Variants in TAFA1 observed in about 807,000 individuals in gnomAD.
TAFA1 encodes the protein chemokine-like protein TAFA-1.
A neutral mutation model predicts 18.5 loss-of-function variants in TAFA1; 4 were observed. The ratio of observed to expected loss-of-function variants is 0.22; its 90% CI spans 0.11 to 0.49. TAFA1 has a LOEUF of 0.49. Among genes scored for constraint, TAFA1 ranks in the 20% least tolerant of loss-of-function variants. The probability of loss-of-function intolerance (pLI) is 0.98; values close to 1 mark genes in which losing one functional copy is unlikely to be tolerated. For missense variants in TAFA1, 147 were observed against 169.0 expected (o/e 0.87, Z 0.72); for synonymous variants, 56 against 55.2 (o/e 1.01, Z -0.06).
chr3:68,439,408 C>CATATATATATATAT (rs1341782542), intron 3 of TAFA1, among the ~76,000 whole-genome samples: 7 of 28,232 alleles, frequency 2.5e-4, no homozygotes, highest in East Asian at 1.2e-3. Context: ...AATATATATA[C>CATATATATATATAT]ATACATATAT....
At chr3:68,466,832 A>G (rs1371040431) in intron 3 of TAFA1, among the ~76,000 whole-genome samples, 2 of 152,176 alleles carry the variant, frequency 1.3e-5, no homozygotes, top group Non-Finnish European at 2.9e-5. Flanking sequence ...GGTCTGAGAA[A>G]TAAAGGGAAA....
chr3:68,529,381 C>A (rs1001604796), intron 3 of TAFA1, among the ~76,000 whole-genome samples: 1 of 147,990 alleles, frequency 6.8e-6, no homozygotes, highest in Non-Finnish European at 1.5e-5. Flanking sequence ...TCTTCCCCTA[C>A]CTACCCTTTA....
At chr3:68,474,064 T>G (rs2072048192) in intron 3 of TAFA1, among the ~76,000 whole-genome samples, 1 of 129,670 alleles carries the variant, frequency 7.7e-6, no homozygotes, top group South Asian at 2.8e-4. Context: ...CCCCCCCAAG[T>G]AAATAAAAAG....
At chr3:68,320,523 C>G (rs1342937048) in intron 2 of TAFA1, among the ~76,000 whole-genome samples, 5 of 152,152 alleles carry the variant, frequency 3.3e-5, no homozygotes, top group Non-Finnish European at 7.3e-5. Flanking sequence ...CCTATCTCCT[C>G]CTTGGTTCCC....
chr3:68,102,737 T>A (rs2106820434), intron 2 of TAFA1, among the ~76,000 whole-genome samples: 1 of 152,328 alleles, frequency 6.6e-6, no homozygotes, highest in East Asian at 1.9e-4. Context: ...TTATATAACC[T>A]CTTGGATTCT....
chr3:68,042,878 C>A (rs1705194639), intron 2 of TAFA1, among the ~76,000 whole-genome samples: 1 of 151,930 alleles, frequency 6.6e-6, no homozygotes, highest in Non-Finnish European at 1.5e-5. Context: ...TTGTGCCATT[C>A]TTTTGTTTTG....
chr3:68,193,146 A>G (rs763085568), intron 2 of TAFA1, among the ~76,000 whole-genome samples: 54 of 151,804 alleles, frequency 3.6e-4, no homozygotes, highest in Non-Finnish European at 6.5e-4. Flanking sequence ...AATAAAAAAT[A>G]AGCTCCAAAG....
chr3:68,268,260 T>C (rs56123133), intron 2 of TAFA1, among the ~76,000 whole-genome samples: 1 of 152,106 alleles, frequency 6.6e-6, no homozygotes, highest in Non-Finnish European at 1.5e-5. Flanking sequence ...TACTTCAGGA[T>C]ATAAGAAAAT....
intron 2 of TAFA1, among the ~76,000 whole-genome samples, chr3:68,171,126 A>G (rs13062033): frequency 0.19 from 29,147 of 152,130 alleles, 3,161 homozygotes; most frequent in Middle Eastern, 0.29. Context: ...AAATAGCAAT[A>G]TCATCTTGGA....
At chr3:68,400,292 C>G (rs2070462344) in intron 2 of TAFA1, among the ~76,000 whole-genome samples, 1 of 152,158 alleles carries the variant, frequency 6.6e-6, no homozygotes, top group South Asian at 2.1e-4. Context: ...TAATAGTCAT[C>G]ATTATTCACA....
Position 68,545,035 on chromosome 3 carries a change from G to C in TAFA1, c.*532G>C, listed in dbSNP as rs1032678095. Reference sequence around the variant, plus strand: ...AAGGCCAGCTACAGGTGGACTCCTGGAATTTGAGGCATCATAATGATACTG... The same window carrying C: ...AAGGCCAGCTACAGGTGGACTCCTGCAATTTGAGGCATCATAATGATACTG... On this transcript the variant is annotated 3_prime_UTR_variant, in exon 5 of 5. Coordinates refer to ENST00000478136, the MANE Select transcript of TAFA1 (RefSeq NM_213609.4). 4 of 152,448 alleles carry C rather than the reference G, an allele frequency of 2.6e-5. No individual in the cohort carries two copies. The highest frequency in any genetic ancestry group is 7.2e-5 in the African/African-American group (3 of 41,384). The allele number at this position is 152,448 out of a possible 1,614,324, so 9.4% of individuals were successfully genotyped here.
chr3:68,538,691 C>T (rs2073315645), intron 3 of TAFA1, 65 bp from the exon 4 acceptor site: 15 of 1,556,912 alleles, frequency 9.6e-6, no homozygotes, highest in Non-Finnish European at 1.2e-5. Context: ...TGCAGAGGGA[C>T]ACAACGTCAG....
intron 2 of TAFA1, among the ~76,000 whole-genome samples, chr3:68,256,664 T>C (rs1029047957): frequency 6.6e-6 from 1 of 152,132 alleles, no homozygotes; most frequent in African/African-American, 2.4e-5. Flanking sequence ...AAAATGTTAT[T>C]TGGACACTCT....
At chr3:68,335,486 C>T (rs938406366) in intron 2 of TAFA1, among the ~76,000 whole-genome samples, 6 of 152,140 alleles carry the variant, frequency 3.9e-5, no homozygotes, top group African/African-American at 1.4e-4. Flanking sequence ...CTTTATACTC[C>T]TTTAAGTTTT....
At chr3:68,541,073 C>A (rs902179550) in intron 4 of TAFA1, among the ~76,000 whole-genome samples, 3 of 152,160 alleles carry the variant, frequency 2.0e-5, no homozygotes, top group Non-Finnish European at 2.9e-5. Context: ...GAGGATGTAC[C>A]TGTTCTGACG....
chr3:68,450,947 T>C (rs2071558572), intron 3 of TAFA1, among the ~76,000 whole-genome samples: 1 of 152,190 alleles, frequency 6.6e-6, no homozygotes, highest in Non-Finnish European at 1.5e-5. Flanking sequence ...ATCCCCATTT[T>C]ACAATGAGGA....
At chr3:68,056,203 G>A (rs1308082558) in intron 2 of TAFA1, among the ~76,000 whole-genome samples, 1 of 152,136 alleles carries the variant, frequency 6.6e-6, no homozygotes, top group Non-Finnish European at 1.5e-5. Flanking sequence ...CTCGTGACTA[G>A]CAATGGTAAT....
intron 3 of TAFA1, among the ~76,000 whole-genome samples, chr3:68,518,397 C>G (rs993508182): frequency 6.6e-6 from 1 of 152,124 alleles, no homozygotes; most frequent in East Asian, 1.9e-4. Context: ...ACATTGATTG[C>G]AATTAAATAG....
chr3:68,528,243 G>A (rs955544674), intron 3 of TAFA1, among the ~76,000 whole-genome samples: 2 of 152,070 alleles, frequency 1.3e-5, no homozygotes, highest in African/African-American at 4.8e-5. Context: ...TAAAATTCAC[G>A]ATAACCAGTT....
Sources: gnomAD v4.1 joint callset for allele counts (sites outside exome capture counted in the v4.1 genomes callset) on GRCh38, gnomAD v4.1.1 for gene constraint, MANE v1.5 for transcripts, NCBI Gene and HGNC (gene_info 2026-07-23, HGNC 2026-07-21) for gene names.